LRRC4C: variants seen among roughly 807,000 people sequenced by gnomAD.
LRRC4C encodes leucine rich repeat containing 4C.
In LRRC4C, 5 loss-of-function variants were observed where a neutral mutation model predicts 33.6. The observed-to-expected ratio is 0.15, with a 90% CI of 0.08 to 0.31. The LOEUF is 0.31. Among genes scored for constraint, LRRC4C ranks in the 10% least tolerant of loss-of-function variants. The pLI is 1.00. For synonymous variants in LRRC4C, 329 were observed against 302.0 expected, an observed-to-expected ratio of 1.09 and a Z score of -0.93; for missense variants, 560 against 796.7, an observed-to-expected ratio of 0.70 and a Z score of 3.58.
At chr11:41,147,165 T>C (rs1030824337) in intron 1 of LRRC4C, among the ~76,000 whole-genome samples, 2 of 152,232 alleles carry the variant, frequency 1.3e-5, no homozygotes, top group African/African-American at 4.8e-5. Flanking sequence ...CTTTTTGGTA[T>C]TCCATAAATG....
intron 3 of LRRC4C, among the ~76,000 whole-genome samples, chr11:40,569,785 C>T (rs1237819623): frequency 1.3e-5 from 2 of 151,718 alleles, no homozygotes; most frequent in African/African-American, 4.8e-5. Context: ...TTATTTTATT[C>T]CTGCTAATGG....
At chr11:40,915,206 A>G (rs1956894345) in intron 2 of LRRC4C, among the ~76,000 whole-genome samples, 1 of 152,274 alleles carries the variant, frequency 6.6e-6, no homozygotes, top group South Asian at 2.1e-4. Flanking sequence ...TTTAAAGTTC[A>G]TATGGAACCA....
At chr11:40,775,861 A>G (rs543668278) in intron 2 of LRRC4C, among the ~76,000 whole-genome samples, 52 of 152,296 alleles carry the variant, frequency 3.4e-4, no homozygotes, top group Non-Finnish European at 5.7e-4. Flanking sequence ...ACCCATTCTT[A>G]AGGGGAATGT....
chr11:40,223,549 C>T (rs758257312), intron 5 of LRRC4C, among the ~76,000 whole-genome samples: 19 of 152,184 alleles, frequency 1.2e-4, no homozygotes, highest in Non-Finnish European at 2.1e-4. Flanking sequence ...GCTACTTTTG[C>T]AATTTATTTT....
intron 3 of LRRC4C, among the ~76,000 whole-genome samples, chr11:40,383,515 A>G (rs1948976209): frequency 6.6e-6 from 1 of 152,034 alleles, no homozygotes; most frequent in Non-Finnish European, 1.5e-5. Flanking sequence ...ATTCTTACCA[A>G]CATTTGTTAT....
intron 1 of LRRC4C, among the ~76,000 whole-genome samples, chr11:40,965,097 T>G (rs1346241306): frequency 6.6e-6 from 1 of 152,184 alleles, no homozygotes; most frequent in Admixed American, 6.6e-5. Flanking sequence ...ATTGTGGTTT[T>G]GATTTGCATT....
At chr11:40,395,363 T>C (rs1949499230) in intron 3 of LRRC4C, among the ~76,000 whole-genome samples, 1 of 152,166 alleles carries the variant, frequency 6.6e-6, no homozygotes, top group African/African-American at 2.4e-5. Flanking sequence ...ATTTTTCTGA[T>C]GTCTTCACAG....
At chr11:40,953,778 G>A (rs750921997) in intron 1 of LRRC4C, among the ~76,000 whole-genome samples, 1 of 151,844 alleles carries the variant, frequency 6.6e-6, no homozygotes, top group Non-Finnish European at 1.5e-5. Flanking sequence ...CACTTTCAAT[G>A]CCATTATTTC....
intron 4 of LRRC4C, among the ~76,000 whole-genome samples, chr11:40,296,971 C>A (rs553442323): frequency 2.0e-5 from 3 of 152,242 alleles, no homozygotes; most frequent in East Asian, 3.9e-4. Flanking sequence ...TACGGACATG[C>A]AGATTTCTAC....
chr11:41,430,596 T>C (rs1955197349), intron 1 of LRRC4C, among the ~76,000 whole-genome samples: 1 of 152,148 alleles, frequency 6.6e-6, no homozygotes, highest in Non-Finnish European at 1.5e-5. Context: ...AGGAAATGTT[T>C]TATTCCCCTC....
At chr11:40,168,836 A>G (rs1177406040) in intron 5 of LRRC4C, among the ~76,000 whole-genome samples, 2 of 152,188 alleles carry the variant, frequency 1.3e-5, no homozygotes, top group Non-Finnish European at 2.9e-5. Context: ...TTTTAAATCT[A>G]TAATTTCTGA....
chr11:40,912,569 C>A (rs1458477244), intron 2 of LRRC4C, among the ~76,000 whole-genome samples: 1 of 152,214 alleles, frequency 6.6e-6, no homozygotes, highest in African/African-American at 2.4e-5. Flanking sequence ...AAAGGAACAA[C>A]TGGTACCAGC....
intron 3 of LRRC4C, among the ~76,000 whole-genome samples, chr11:40,429,130 T>G (rs1454697336): frequency 1.3e-5 from 2 of 152,146 alleles, no homozygotes; most frequent in African/African-American, 4.8e-5. Context: ...CTACTAATAT[T>G]TATTAAGTTT....
intron 1 of LRRC4C, among the ~76,000 whole-genome samples, chr11:41,449,878 A>C (rs1955963764): frequency 6.6e-6 from 1 of 151,764 alleles, no homozygotes; most frequent in Non-Finnish European, 1.5e-5. Context: ...CTTATCTTGG[A>C]TCCAGATTCT....
chr11:41,418,204 G>A (rs1954756247), intron 1 of LRRC4C, among the ~76,000 whole-genome samples: 1 of 151,848 alleles, frequency 6.6e-6, no homozygotes, highest in South Asian at 2.1e-4. Flanking sequence ...TCTGAAATCC[G>A]ATATGTTTAA....
At chr11:40,940,853 T>C (rs1958109097) in intron 1 of LRRC4C, among the ~76,000 whole-genome samples, 1 of 152,028 alleles carries the variant, frequency 6.6e-6, no homozygotes, top group South Asian at 2.1e-4. Flanking sequence ...TTTACTTACT[T>C]AATTCTTAGC....
chr11:40,704,634 G>A (rs1325296490), intron 2 of LRRC4C, among the ~76,000 whole-genome samples: 1 of 152,002 alleles, frequency 6.6e-6, no homozygotes, highest in African/African-American at 2.4e-5. Context: ...AATCTCTCCG[G>A]ACCTCAGTTT....
At chr11:40,983,819 ATAT>A (rs1592256428) in intron 1 of LRRC4C, among the ~76,000 whole-genome samples, 1 of 152,250 alleles carries the variant, frequency 6.6e-6, no homozygotes, top group East Asian at 1.9e-4. Context: ...TTCAGAATAG[ATAT>A]TATTAAAAAG....
intron 2 of LRRC4C, among the ~76,000 whole-genome samples, chr11:40,856,382 G>A (rs1393966711): frequency 6.6e-6 from 1 of 152,144 alleles, no homozygotes; most frequent in Admixed American, 6.6e-5. Flanking sequence ...AAATGTTGTG[G>A]AAGTACGTGG....
Sources: gnomAD v4.1 joint callset for allele counts (sites outside exome capture counted in the v4.1 genomes callset) on GRCh38, gnomAD v4.1.1 for gene constraint, MANE v1.5 for transcripts, NCBI Gene and HGNC (gene_info 2026-07-23, HGNC 2026-07-21) for gene names.